NRXN3: variants seen among roughly 807,000 people sequenced by gnomAD.
The protein encoded by NRXN3 is neurexin 3, also known as neurexin III.
In NRXN3, 32 loss-of-function variants were observed where a neutral mutation model predicts 137.6. That is an observed-to-expected ratio of 0.23 (90% CI 0.18 to 0.31). The LOEUF is 0.31. Among genes scored for constraint, NRXN3 ranks in the 10% least tolerant of loss-of-function variants. The pLI, the probability that NRXN3 is intolerant of heterozygous loss-of-function variation, is 1.00. For missense variants in NRXN3, 1,574 were observed against 2,062.5 expected (o/e 0.76, Z 4.59); for synonymous variants, 798 against 784.5 (o/e 1.02, Z -0.29).
At chr14:78,962,265 G>C (rs1262230836) in intron 11 of NRXN3, among the ~76,000 whole-genome samples, 2 of 152,126 alleles carry the variant, frequency 1.3e-5, no homozygotes, top group African/African-American at 4.8e-5. Flanking sequence ...AACCTCTAAA[G>C]CAAGAGAAAG....
intron 19 of NRXN3, among the ~76,000 whole-genome samples, chr14:79,699,810 G>A (rs1262708751): frequency 6.6e-6 from 1 of 151,922 alleles, no homozygotes; most frequent in Non-Finnish European, 1.5e-5. Flanking sequence ...ACATCTACAT[G>A]CTTTTCCTTT....
chr14:79,825,933 C>A (rs10144071), intron 20 of NRXN3, among the ~76,000 whole-genome samples: 1 of 151,930 alleles, frequency 6.6e-6, no homozygotes, highest in Non-Finnish European at 1.5e-5. Context: ...AAAATATGTG[C>A]ATAAATATTA....
At chr14:78,225,952 G>GGTGT (rs5809869) in intron 1 of NRXN3, among the ~76,000 whole-genome samples, 2,217 of 124,692 alleles carry the variant, frequency 0.018, 62 homozygotes, top group East Asian at 0.03. Flanking sequence ...GTGTTTTTTT[G>GGTGT]GTGTGTGTGT....
intron 10 of NRXN3, among the ~76,000 whole-genome samples, chr14:78,859,018 A>G (rs11849965): frequency 0.14 from 21,486 of 152,028 alleles, 2,487 homozygotes; most frequent in African/African-American, 0.31. Context: ...TGTTATCCCT[A>G]TGTGTCAAGG....
rs191206214 is a variant in NRXN3 at position 79,588,119 on chromosome 14, A to G, written c.3445-75659A>G. Among the ~76,000 whole-genome samples, 17 of 152,292 alleles carry G rather than the reference A, an allele frequency of 1.1e-4. 1 individual carries two copies. The South Asian group carries it at 1.9e-3, about 17-fold the overall frequency. ...TCTGAGCAATTTTTACATTTTGCCA[A>G]TTCTATTATAGAAGTGGCTCTCACC... On this transcript the variant is annotated intron_variant, in intron 16 of 20. Coordinates refer to ENST00000335750, the MANE Select transcript of NRXN3 (RefSeq NM_001330195.2).
chr14:79,754,889 G>A (rs928017271), intron 19 of NRXN3, among the ~76,000 whole-genome samples: 5 of 151,912 alleles, frequency 3.3e-5, no homozygotes, highest in Non-Finnish European at 7.4e-5. Context: ...TTCCCCCTTC[G>A]CTCTGCTCTT....
At chr14:78,672,858 T>G (rs2097951653) in intron 6 of NRXN3, among the ~76,000 whole-genome samples, 1 of 152,212 alleles carries the variant, frequency 6.6e-6, no homozygotes, top group Non-Finnish European at 1.5e-5. Context: ...TGGTTCTCAT[T>G]TCTAAGGGTT....
intron 4 of NRXN3, among the ~76,000 whole-genome samples, chr14:78,479,309 C>A (rs2095433834): frequency 6.6e-6 from 1 of 152,204 alleles, no homozygotes; most frequent in Non-Finnish European, 1.5e-5. Context: ...ACTCCTCTAA[C>A]TGCTGATATA....
At chr14:79,133,499 A>C (rs2057833224) in intron 15 of NRXN3, among the ~76,000 whole-genome samples, 1 of 152,014 alleles carries the variant, frequency 6.6e-6, no homozygotes. Context: ...TTTCTGCTTA[A>C]CTCTCATTAC....
At chr14:79,038,096 A>G (rs575928348) in intron 15 of NRXN3, among the ~76,000 whole-genome samples, 1 of 152,250 alleles carries the variant, frequency 6.6e-6, no homozygotes, top group South Asian at 2.1e-4. Flanking sequence ...ATTAATGTCA[A>G]TAAATACCAC....
At chr14:78,555,289 A>G (rs1280130498) in intron 4 of NRXN3, among the ~76,000 whole-genome samples, 3 of 152,234 alleles carry the variant, frequency 2.0e-5, no homozygotes, top group Non-Finnish European at 4.4e-5. Context: ...TACATTGGGT[A>G]GTACAGAGTT....
intron 15 of NRXN3, among the ~76,000 whole-genome samples, chr14:79,361,564 A>T (rs958854412): frequency 6.6e-6 from 1 of 152,084 alleles, no homozygotes; most frequent in African/African-American, 2.4e-5. Flanking sequence ...AAAAAATATA[A>T]AAATTAGCCC....
intron 15 of NRXN3, among the ~76,000 whole-genome samples, chr14:79,001,256 T>A (rs2099540854): frequency 6.6e-6 from 1 of 152,186 alleles, no homozygotes. Flanking sequence ...TCTCCAGGCT[T>A]GTATTTCTGA....
chr14:78,304,410 C>T (rs1027457783), intron 4 of NRXN3, among the ~76,000 whole-genome samples: 1 of 152,150 alleles, frequency 6.6e-6, no homozygotes, highest in Non-Finnish European at 1.5e-5. Flanking sequence ...ATCTACAAAA[C>T]TGAGCAGGGT....
chr14:78,811,369 A>AAGAG (rs138202384), intron 10 of NRXN3, among the ~76,000 whole-genome samples: 1 of 149,384 alleles, frequency 6.7e-6, no homozygotes, highest in Admixed American at 6.7e-5. Context: ...ATCCGTAGGG[A>AAGAG]AGAGAGAGAG....
intron 15 of NRXN3, among the ~76,000 whole-genome samples, chr14:79,061,854 C>T (rs2099674715): frequency 6.6e-6 from 1 of 152,144 alleles, no homozygotes; most frequent in Non-Finnish European, 1.5e-5. Context: ...ACGCAGCATG[C>T]CTAATGCCAG....
chr14:78,174,916 GT>G (rs1264247488), intron 1 of NRXN3, among the ~76,000 whole-genome samples: 1 of 152,180 alleles, frequency 6.6e-6, no homozygotes, highest in African/African-American at 2.4e-5. Context: ...GAAATTGAGG[GT>G]TTTCCCTGCT....
intron 8 of NRXN3, among the ~76,000 whole-genome samples, chr14:78,720,790 T>G (rs1283471395): frequency 6.6e-6 from 1 of 152,220 alleles, no homozygotes. Flanking sequence ...AATTTCTATA[T>G]TCTCAACACA....
chr14:78,967,202 TC>T lies in NRXN3; in HGVS notation c.2778-4del. ...AATTATTGTTTTTTTTTTTTTTTCT[TC>T]CTAGGTATATACACTACGTTTTTGA... On this transcript the variant is annotated splice_region_variant and splice_polypyrimidine_tract_variant and intron_variant, in intron 12 of 20. Coordinates refer to ENST00000335750, the MANE Select transcript of NRXN3 (RefSeq NM_001330195.2). 1 of 1,588,210 alleles carries T rather than the reference TC, an allele frequency of 6.3e-7. No homozygotes were observed. The highest frequency in any genetic ancestry group is 1.4e-5 in the African/African-American group (1 of 72,296).
Sources: gnomAD v4.1 joint callset for allele counts (sites outside exome capture counted in the v4.1 genomes callset) on GRCh38, gnomAD v4.1.1 for gene constraint, MANE v1.5 for transcripts, NCBI Gene and HGNC (gene_info 2026-07-23, HGNC 2026-07-21) for gene names.